Variants in BRINP3 observed in about 807,000 individuals in gnomAD.
BRINP3 encodes BMP/retinoic acid-inducible neural-specific protein 3.
In BRINP3, 19 loss-of-function variants were observed where a neutral mutation model predicts 71.0. The ratio of observed to expected loss-of-function variants is 0.27; its 90% CI spans 0.19 to 0.39. BRINP3 has a LOEUF of 0.39. Ranked by LOEUF, BRINP3 falls within the 10% of genes least tolerant of loss-of-function variation. The pLI, the probability that BRINP3 is intolerant of heterozygous loss-of-function variation, is 1.00. For missense variants in BRINP3, 959 were observed against 940.8 expected (o/e 1.02, Z -0.25); for synonymous variants, 380 against 337.7 (o/e 1.13, Z -1.37).
At chr1:190,407,929 T>C (rs1414733223) in intron 2 of BRINP3, among the ~76,000 whole-genome samples, 2 of 151,748 alleles carry the variant, frequency 1.3e-5, no homozygotes, top group Non-Finnish European at 2.9e-5. Context: ...CCCCTTGACA[T>C]ACCATATCCT....
At chr1:190,172,981 A>T (rs1344113381) in intron 6 of BRINP3, among the ~76,000 whole-genome samples, 1 of 152,146 alleles carries the variant, frequency 6.6e-6, no homozygotes, top group Non-Finnish European at 1.5e-5. Flanking sequence ...TTTGAGATTA[A>T]GTGGATTAAG....
At chr1:190,183,469 G>A (rs959655570) in intron 6 of BRINP3, among the ~76,000 whole-genome samples, 1 of 151,986 alleles carries the variant, frequency 6.6e-6, no homozygotes, top group African/African-American at 2.4e-5. Flanking sequence ...TTAAAGGCAG[G>A]TTAGCATTGA....
chr1:190,474,578 T>C (rs1206227510), intron 1 of BRINP3: 3 of 152,638 alleles, frequency 2.0e-5, no homozygotes, highest in Non-Finnish European at 4.4e-5. Flanking sequence ...CTAAGGTTAA[T>C]TTGCAACCCT....
chr1:190,153,548 A>C (rs1213413627), intron 7 of BRINP3, among the ~76,000 whole-genome samples: 1 of 152,158 alleles, frequency 6.6e-6, no homozygotes, highest in African/African-American at 2.4e-5. Flanking sequence ...AAACTAGAAA[A>C]ATAAAATAAT....
intron 2 of BRINP3, among the ~76,000 whole-genome samples, chr1:190,420,885 A>G (rs1017805027): frequency 1.3e-5 from 2 of 151,886 alleles, no homozygotes; most frequent in Non-Finnish European, 2.9e-5. Flanking sequence ...CGGCTCTTCC[A>G]TAATCTAAAG....
intron 3 of BRINP3, among the ~76,000 whole-genome samples, chr1:190,270,688 T>C (rs986537134): frequency 5.3e-5 from 8 of 151,842 alleles, no homozygotes; most frequent in Non-Finnish European, 1.0e-4. Context: ...TATTCATAAC[T>C]CCTGTTCTAC....
In BRINP3 at chr1:190,359,202, AAAAC is replaced by A. The variant is rs1215406109; in HGVS notation, c.237-77456_237-77453del. Among the ~76,000 whole-genome samples, 7 of 152,052 alleles carry A rather than the reference AAAAC, an allele frequency of 4.6e-5. No homozygotes were observed. The South Asian group carries it at 6.2e-4, about 13-fold the overall frequency. On this transcript the variant is annotated intron_variant, in intron 2 of 7. Coordinates refer to ENST00000367462, the MANE Select transcript of BRINP3 (RefSeq NM_199051.3). ...AAAAATGATAAAAACAAAAGCTATT[AAAAC>A]AAACAAACAAAAAAGAATTTAACTT...
At chr1:190,392,095 G>C (rs1671287632) in intron 2 of BRINP3, among the ~76,000 whole-genome samples, 4 of 151,476 alleles carry the variant, frequency 2.6e-5, no homozygotes, top group Middle Eastern at 3.2e-3. Flanking sequence ...GACTCTTCTG[G>C]AGAATAGCTT....
chr1:190,155,290 A>G (rs981100090), intron 7 of BRINP3, among the ~76,000 whole-genome samples: 13 of 152,212 alleles, frequency 8.5e-5, no homozygotes, highest in Admixed American at 4.6e-4. Flanking sequence ...ATAATAATAT[A>G]TTCAATTGTT....
intron 2 of BRINP3, among the ~76,000 whole-genome samples, chr1:190,416,473 A>G (rs1316766972): frequency 6.6e-6 from 1 of 152,136 alleles, no homozygotes; most frequent in Admixed American, 6.5e-5. Flanking sequence ...GTGTGTGCTC[A>G]AGAAATAACC....
At chr1:190,444,023 G>A (rs560134343) in intron 2 of BRINP3, among the ~76,000 whole-genome samples, 2 of 151,980 alleles carry the variant, frequency 1.3e-5, no homozygotes, top group African/African-American at 4.8e-5. Context: ...ACCTAAGGTT[G>A]GGAGTTCGAG....
intron 2 of BRINP3, among the ~76,000 whole-genome samples, chr1:190,388,326 A>G (rs1476080945): frequency 6.6e-6 from 1 of 151,850 alleles, no homozygotes; most frequent in African/African-American, 2.4e-5. Flanking sequence ...AGACACTACA[A>G]GGTACTGGGT....
chr1:190,148,556 G>A (rs1486765472), intron 7 of BRINP3, among the ~76,000 whole-genome samples: 2 of 150,838 alleles, frequency 1.3e-5, no homozygotes, highest in Admixed American at 1.3e-4. Flanking sequence ...AGATCGCGCC[G>A]CTGTATACAG....
At chr1:190,261,839 T>G (rs1164880776) in intron 4 of BRINP3, among the ~76,000 whole-genome samples, 1 of 152,148 alleles carries the variant, frequency 6.6e-6, no homozygotes, top group Non-Finnish European at 1.5e-5. Flanking sequence ...AGGTATTTAG[T>G]AAAGGAATTA....
intron 2 of BRINP3, among the ~76,000 whole-genome samples, chr1:190,454,027 C>A (rs1042879745): frequency 6.6e-6 from 1 of 152,162 alleles, no homozygotes; most frequent in African/African-American, 2.4e-5. Context: ...AACAGGCAAC[C>A]TTTGTTGAAT....
At chr1:190,369,817 G>T (rs1356990407) in intron 2 of BRINP3, among the ~76,000 whole-genome samples, 1 of 151,918 alleles carries the variant, frequency 6.6e-6, no homozygotes, top group Non-Finnish European at 1.5e-5. Context: ...TCAATGTAAT[G>T]CTTCATAATG....
chr1:190,281,716 C>T lies in BRINP3; in HGVS notation c.271G>A (p.Val91Ile), dbSNP rs764813704. 1.2e-6 allele frequency: 2 copies of T among 1,612,304 alleles called. No individual in the cohort carries two copies. Among genetic ancestry groups the T allele is most frequent in the South Asian group, 2.2e-5 (2 of 90,970 alleles). ...GAGCCAAGGAAATTTCTTCTCTCAA[C>T]TGCAAGGTTATTTACTTTCCAGCGG... Reference protein sequence around the residue: ...FGRWKVNNLAVERRNFLGSPL... With the variant: ...FGRWKVNNLAIERRNFLGSPL... The change falls in exon 3 of 8, where the codon GTT becomes ATT. Residue 91 changes from valine (V) to isoleucine (I), a missense_variant. Physicochemically the swap from Val to Ile is conservative, Grantham distance 29 (BLOSUM62 3). Coordinates refer to ENST00000367462, the MANE Select transcript of BRINP3 (RefSeq NM_199051.3).
chr1:190,247,271 A>T (rs12083780), intron 4 of BRINP3, among the ~76,000 whole-genome samples: 2,059 of 151,942 alleles, frequency 0.014, 36 homozygotes, highest in African/African-American at 0.047. Context: ...CCAGATATAA[A>T]CGTTAAAATA....
At chr1:190,454,494 G>A (rs1336321083) in intron 2 of BRINP3, among the ~76,000 whole-genome samples, 161 bp downstream of exon 2, 2 of 152,066 alleles carry the variant, frequency 1.3e-5, no homozygotes, top group Non-Finnish European at 2.9e-5. Flanking sequence ...ACATCTATAA[G>A]AAATACTTTG....
Sources: gnomAD v4.1 joint callset for allele counts (sites outside exome capture counted in the v4.1 genomes callset) on GRCh38, gnomAD v4.1.1 for gene constraint, MANE v1.5 for transcripts, NCBI Gene and HGNC (gene_info 2026-07-23, HGNC 2026-07-21) for gene names.